The following MRPL42 variants were observed in gnomAD, a reference collection of about 807,000 sequenced individuals.
The protein encoded by MRPL42 is mitochondrial ribosomal protein L42.
A neutral mutation model predicts 17.9 loss-of-function variants in MRPL42; 17 were observed. The observed-to-expected ratio is 0.95, with a 90% confidence interval of 0.65 to 1.42. The LOEUF (loss-of-function observed/expected upper bound fraction) is 1.42. Ranked by LOEUF, MRPL42 falls within the 40% of genes most tolerant of loss-of-function variation. The pLI is 0.00. For synonymous variants in MRPL42, 59 were observed against 54.4 expected (o/e 1.08, Z -0.37); for missense variants, 177 against 175.2 (o/e 1.01, Z -0.06).
Position 93,469,255 on chromosome 12 carries a change from T to C in MRPL42, c.-31T>C. 6 of 1,568,598 alleles carry C rather than the reference T, an allele frequency of 3.8e-6. No individual in the cohort carries two copies. Among genetic ancestry groups the C allele is most frequent in the Non-Finnish European group, 4.3e-6 (5 of 1,154,298 alleles). ...CAGTTTCTCTTCAGAACATCTTTTTTCATACCACTTGATAAGCATCTTGAA... is the reference window on the plus strand; with the variant it reads ...CAGTTTCTCTTCAGAACATCTTTTTCCATACCACTTGATAAGCATCTTGAA... On this transcript the variant is annotated 5_prime_UTR_variant, in exon 2 of 6. Coordinates refer to ENST00000549982, the MANE Select transcript of MRPL42 (RefSeq NM_014050.4).
chr12:93,469,018 T>C (rs1428531723), intron 1 of MRPL42, among the ~76,000 whole-genome samples, 174 bp from the exon 2 acceptor site: 1 of 152,242 alleles, frequency 6.6e-6, no homozygotes, highest in Non-Finnish European at 1.5e-5. Context: ...TCTGATCTTA[T>C]ATTCTGTCCA....
Position 93,501,471 on chromosome 12 carries a change from G to A in MRPL42, c.*250G>A, listed in dbSNP as rs1043654743. The A allele has an allele frequency of 3.6e-6, 1 of 279,024 alleles. No homozygotes were observed. The highest frequency in any genetic ancestry group is 2.2e-5 in the African/African-American group (1 of 45,426). The allele number at this position is 279,024 out of a possible 1,614,324, so 17.3% of individuals were successfully genotyped here. A position where few individuals can be genotyped will look rare whatever the true frequency, so the allele number is the denominator to read the frequency against. On this transcript the variant is annotated 3_prime_UTR_variant, in exon 6 of 6. Coordinates refer to ENST00000549982, the MANE Select transcript of MRPL42 (RefSeq NM_014050.4). ...GTCTCCAATTTAGGACTTTTCCATA[G>A]TGCCAAAGCCATACATATTCAGTAG...
chr12:93,480,264 G>T (rs1291932859), intron 4 of MRPL42, among the ~76,000 whole-genome samples: 1 of 151,664 alleles, frequency 6.6e-6, no homozygotes, highest in East Asian at 1.9e-4. Flanking sequence ...GGGACTACAG[G>T]CACCTGCCAC....
intron 4 of MRPL42, among the ~76,000 whole-genome samples, chr12:93,486,722 A>G (rs1227986560): frequency 1.3e-5 from 2 of 152,232 alleles, no homozygotes; most frequent in Non-Finnish European, 2.9e-5. Context: ...TTAAGTTAAA[A>G]AATAATAATA....
chr12:93,484,266 C>T (rs554128221), intron 4 of MRPL42, among the ~76,000 whole-genome samples: 142 of 152,012 alleles, frequency 9.3e-4, no homozygotes, highest in African/African-American at 3.2e-3. Context: ...TTGGTTGAGA[C>T]GGGGTCTCAC....
chr12:93,488,728 G>T (rs1014097477), intron 5 of MRPL42, among the ~76,000 whole-genome samples: 2 of 152,004 alleles, frequency 1.3e-5, no homozygotes, highest in Non-Finnish European at 2.9e-5. Context: ...ATTTTCCATC[G>T]ATTCTTACCT....
Position 93,503,847 on chromosome 12 carries a change from A to G in MRPL42, c.*2626A>G, listed in dbSNP as rs932348161. On this transcript the variant is annotated 3_prime_UTR_variant, in exon 6 of 6. Transcript: ENST00000549982. ...TTAAGTACTCTGATTTAATGGGTGC[A>G]TATTATTCTATAATCTGGCTTGTCA... 6 of 152,106 alleles carry G rather than the reference A, an allele frequency of 3.9e-5. No individual in the cohort carries two copies. The highest frequency in any genetic ancestry group is 1.2e-4 in the African/African-American group (5 of 41,430). 9.4% of individuals were successfully genotyped at this position (152,106 alleles called of 1,614,324 possible).
chr12:93,486,500 G>T (rs1352684203), intron 4 of MRPL42, among the ~76,000 whole-genome samples: 8 of 151,972 alleles, frequency 5.3e-5, no homozygotes. Flanking sequence ...GTGCGCTACC[G>T]CACCAAGCTA....
rs1240929563 is a variant in MRPL42 at position 93,510,443 on chromosome 12, C to T, written c.*9222C>T. 1 of 152,168 alleles carries T rather than the reference C, an allele frequency of 6.6e-6. No individual in the cohort carries two copies. The highest frequency in any genetic ancestry group is 2.4e-5 in the African/African-American group (1 of 41,436). The allele number at this position is 152,168 out of a possible 1,614,324, so 9.4% of individuals were successfully genotyped here. A position where few individuals can be genotyped will look rare whatever the true frequency, so the allele number is the denominator to read the frequency against. ...TTTTTGTGTCCATTTAAGCTTTCAA[C>T]TCCTTTGGGTAAATACCAAAGAGCA... On this transcript the variant is annotated 3_prime_UTR_variant, in exon 6 of 6. Coordinates refer to ENST00000549982, the MANE Select transcript of MRPL42 (RefSeq NM_014050.4).
rs993706396 is a variant in MRPL42, at chr12:93,505,254, T to G, written c.*4033T>G. ...TTCTAAGAGGCATCTTCAATTAGAT[T>G]CCAAAAATTTTTAAGAAAAAAAGAT... On this transcript the variant is annotated 3_prime_UTR_variant, in exon 6 of 6. Transcript: ENST00000549982. 6.6e-6 allele frequency: 1 copy of G among 152,164 alleles called. No individual in the cohort carries two copies. The highest frequency in any genetic ancestry group is 2.4e-5 in the African/African-American group (1 of 41,424). 9.4% of individuals were successfully genotyped at this position (152,164 alleles called of 1,614,324 possible).
chr12:93,480,320 C>T (rs1232434729), intron 4 of MRPL42, among the ~76,000 whole-genome samples: 2 of 151,778 alleles, frequency 1.3e-5, no homozygotes, highest in Non-Finnish European at 2.9e-5. Context: ...GGTGTTTCAC[C>T]ATGTTGCCCA....
chr12:93,485,682 A>C (rs1880708453), intron 4 of MRPL42, among the ~76,000 whole-genome samples: 1 of 152,178 alleles, frequency 6.6e-6, no homozygotes, highest in Non-Finnish European at 1.5e-5. Context: ...TTATTATTGA[A>C]TATGTTACTT....
Position 93,479,392 on chromosome 12 carries a change from G to T in MRPL42, c.139G>T (p.Val47Leu). 6.2e-7 allele frequency: 1 copy of T among 1,602,560 alleles called. No individual in the cohort carries two copies. Residue 47 changes from valine to leucine, a missense_variant, in exon 4 of 6, where the codon GTA (valine) becomes TTA (leucine). Transcript: ENST00000549982. ...CTAAAACATTCTTTTTTTTAGCAAC[G>T]TAGAGCTTGCTCTGACTTCTGATGG... Reference protein sequence around the residue: ...SPLPDDYNCNVELALTSDGRT... With the variant: ...SPLPDDYNCNLELALTSDGRT...
intron 5 of MRPL42, among the ~76,000 whole-genome samples, chr12:93,490,046 G>A (rs1953384218): frequency 6.6e-6 from 1 of 152,098 alleles, no homozygotes; most frequent in Non-Finnish European, 1.5e-5. Flanking sequence ...CATTATCCAG[G>A]TATTTGAGTT....
chr12:93,470,369 C>T, intron 2 of MRPL42: 1 of 926,656 alleles, frequency 1.1e-6, no homozygotes, highest in East Asian at 7.1e-5. Flanking sequence ...CTCTTATAAA[C>T]AGCTCTTATA....
At chr12:93,480,689 G>T (rs1880417355) in intron 4 of MRPL42, among the ~76,000 whole-genome samples, 1 of 151,478 alleles carries the variant, frequency 6.6e-6, no homozygotes, top group Admixed American at 6.6e-5. Flanking sequence ...CTACAGGCGT[G>T]CACTACCACA....
chr12:93,501,623 A>G lies in MRPL42; in HGVS notation c.*402A>G, dbSNP rs533777523. On this transcript the variant is annotated 3_prime_UTR_variant, in exon 6 of 6. Coordinates refer to ENST00000549982, the MANE Select transcript of MRPL42 (RefSeq NM_014050.4). ...TATTTAAGACAGGCTAGCATTTTCA[A>G]TTTACAATATTTTCAACTGATAGTA... is the stretch of plus-strand genomic sequence containing the variant. The G allele has an allele frequency of 2.0e-5, 3 of 153,450 alleles. No homozygotes were observed. Among genetic ancestry groups the G allele is most frequent in the African/African-American group, 7.2e-5 (3 of 41,492 alleles). The allele number at this position is 153,450 out of a possible 1,614,324, so 9.5% of individuals were successfully genotyped here.
rs1565813713 is a variant in MRPL42 at position 93,484,973 on chromosome 12, C to CATATATAT, written c.220-2523_220-2522insTATATATA. 3.9e-3 allele frequency among the ~76,000 whole-genome samples: 94 copies of CATATATAT among 23,954 alleles called. 18 individuals are homozygous for CATATATAT. The highest frequency in any genetic ancestry group is 7.4e-3 in the Non-Finnish European group (76 of 10,236). 15.7% of individuals were successfully genotyped at this position (23,954 alleles called of 152,430 possible). A position where few individuals can be genotyped will look rare whatever the true frequency, so the allele number is the denominator to read the frequency against. On this transcript the variant is annotated intron_variant, in intron 4 of 5. Transcript: ENST00000549982. ...TTGCTTTTTAAAAAACACACACACACACACACATATATATATATATATATA... is the reference window on the plus strand; with the variant it reads ...TTGCTTTTTAAAAAACACACACACACATATATATACACACATATATATATATATATATA...
chr12:93,488,527 AT>A (rs1953353669), intron 5 of MRPL42: 2 of 360,140 alleles, frequency 5.6e-6, no homozygotes, highest in African/African-American at 2.1e-5. Context: ...TCTATGATGT[AT>A]TCATTTAATA....
Sources: gnomAD v4.1 joint callset for allele counts (sites outside exome capture counted in the v4.1 genomes callset) on GRCh38, gnomAD v4.1.1 for gene constraint, MANE v1.5 for transcripts, NCBI Gene and HGNC (gene_info 2026-07-23, HGNC 2026-07-21) for gene names.